SYT13: variants seen among roughly 807,000 people sequenced by gnomAD.
SYT13 encodes the protein synaptotagmin-13.
Under a neutral mutation model 38.6 loss-of-function variants are expected in SYT13, and 21 were observed. That is an observed-to-expected ratio of 0.54 (90% CI 0.39 to 0.78). SYT13 has a LOEUF of 0.78. Among genes scored for constraint, SYT13 ranks in the 30% least tolerant of loss-of-function variants. The pLI, the probability that SYT13 is intolerant of heterozygous loss-of-function variation, is 0.00. For missense variants in SYT13, 495 were observed against 548.7 expected (o/e 0.90, Z 0.98); for synonymous variants, 241 against 237.6 (o/e 1.01, Z -0.13).
At chr11:45,261,381 GGA>G (rs1471542321) in intron 1 of SYT13, among the ~76,000 whole-genome samples, 1 of 151,754 alleles carries the variant, frequency 6.6e-6, no homozygotes, top group African/African-American at 2.4e-5. Context: ...CACTAGGTCA[GGA>G]GATCGAGACC....
rs1341266823 is a variant in SYT13 at position 45,286,019 on chromosome 11, G to A, written c.183+6C>T. ...CGGGAAGGGCCTGCGCGCCGCCCCC[G>A]CTCACCTGTTGTGCAGACCCGAGCA... On this transcript the variant is annotated splice_donor_region_variant and intron_variant, in intron 1 of 5. Coordinates refer to ENST00000020926, the MANE Select transcript of SYT13 (RefSeq NM_020826.3). 1 of 1,604,596 alleles carries A rather than the reference G, an allele frequency of 6.2e-7. No individual in the cohort carries two copies. Among genetic ancestry groups the A allele is most frequent in the Non-Finnish European group, 8.5e-7 (1 of 1,179,016 alleles).
At chr11:45,275,785 G>A (rs1302297295) in intron 1 of SYT13, among the ~76,000 whole-genome samples, 2 of 140,316 alleles carry the variant, frequency 1.4e-5, no homozygotes, top group African/African-American at 4.9e-5. Context: ...TCAATTAGAT[G>A]GGGTTTGCAG....
chr11:45,266,316 G>A (rs988546202), intron 1 of SYT13, among the ~76,000 whole-genome samples: 1 of 152,146 alleles, frequency 6.6e-6, no homozygotes, highest in Non-Finnish European at 1.5e-5. Context: ...AAGCAGTCAG[G>A]AGCAATTGGG....
intron 2 of SYT13, 125 bp downstream of exon 2, chr11:45,255,541 C>T: frequency 1.1e-6 from 1 of 882,484 alleles, no homozygotes; most frequent in Non-Finnish European, 1.7e-6. Flanking sequence ...TGCCCATCTG[C>T]TTGGCCAGCG....
intron 1 of SYT13, among the ~76,000 whole-genome samples, chr11:45,285,315 C>T (rs1855120588): frequency 6.6e-6 from 1 of 152,230 alleles, no homozygotes; most frequent in African/African-American, 2.4e-5. Flanking sequence ...TGAGCAAATG[C>T]ATGGGATAAA....
At chr11:45,258,219 G>T (rs1334665716) in intron 1 of SYT13, among the ~76,000 whole-genome samples, 1 of 152,154 alleles carries the variant, frequency 6.6e-6, no homozygotes, top group Non-Finnish European at 1.5e-5. Context: ...TCTTTCCCCA[G>T]CACAGCAGTC....
At chr11:45,283,328 C>T (rs1855096062) in intron 1 of SYT13, among the ~76,000 whole-genome samples, 1 of 152,172 alleles carries the variant, frequency 6.6e-6, no homozygotes, top group African/African-American at 2.4e-5. Context: ...AGGCCTTGGA[C>T]ACCTCTGTTG....
chr11:45,274,178 G>A (rs114084294), intron 1 of SYT13, among the ~76,000 whole-genome samples: 2,463 of 152,064 alleles, frequency 0.016, 57 homozygotes, highest in African/African-American at 0.053. Flanking sequence ...TTTTTCTTTC[G>A]AGTAGTCTCA....
intron 1 of SYT13, among the ~76,000 whole-genome samples, chr11:45,268,456 T>G (rs1854910889): frequency 6.6e-6 from 1 of 152,130 alleles, no homozygotes; most frequent in African/African-American, 2.4e-5. Flanking sequence ...GAAAAGTCCC[T>G]GAGCTAAAAT....
At position 45,257,380 on chromosome 11, in the gene SYT13, C is replaced by G. The variant is rs72895318; in HGVS notation, c.184-1489G>C. On this transcript the variant is annotated intron_variant, in intron 1 of 5. Transcript: ENST00000020926. ...CCATAAAAAAGCCCTCAGGTTAAGACAGGCGGATCTGAAGACTGAGGTCTA... is the reference window on the plus strand; with the variant it reads ...CCATAAAAAAGCCCTCAGGTTAAGAGAGGCGGATCTGAAGACTGAGGTCTA... Among the ~76,000 whole-genome samples, 942 of 152,254 alleles carry G rather than the reference C, an allele frequency of 6.2e-3. 5 individuals carry two copies. Among genetic ancestry groups the G allele is most frequent in the Non-Finnish European group, 8.3e-3 (563 of 67,998 alleles).
intron 1 of SYT13, among the ~76,000 whole-genome samples, chr11:45,275,187 T>C (rs113579947): frequency 1.3e-5 from 2 of 152,310 alleles, no homozygotes; most frequent in African/African-American, 2.4e-5. Context: ...TCATTCAACA[T>C]GTCTCCTCAC....
rs1276848795 is a variant in SYT13, at chr11:45,240,775, A to T, written c.*3277T>A. The stretch of plus-strand genomic sequence containing the variant: ...AAATCTCTGAAGAAAGAACCAGATC[A>T]CCTTTTTGAGCAACAGTGCATTCTG... On this transcript the variant is annotated 3_prime_UTR_variant, in exon 6 of 6. Transcript: ENST00000020926. 6.6e-6 allele frequency: 1 copy of T among 152,246 alleles called. No homozygotes were observed. The highest frequency in any genetic ancestry group is 1.5e-5 in the Non-Finnish European group (1 of 68,038). The allele number at this position is 152,246 out of a possible 1,614,324, so 9.4% of individuals were successfully genotyped here.
intron 1 of SYT13, among the ~76,000 whole-genome samples, chr11:45,270,851 C>T (rs981541091): frequency 1.3e-5 from 2 of 152,172 alleles, no homozygotes; most frequent in African/African-American, 4.8e-5. Context: ...AATTTCAAAA[C>T]CAAGACAGAG....
At chr11:45,272,217 A>T (rs1262444965) in intron 1 of SYT13, among the ~76,000 whole-genome samples, 1 of 152,178 alleles carries the variant, frequency 6.6e-6, no homozygotes, top group Non-Finnish European at 1.5e-5. Flanking sequence ...TTGGGGAGGG[A>T]TAGCATTAGG....
chr11:45,282,801 C>T (rs544124470), intron 1 of SYT13, among the ~76,000 whole-genome samples: 1 of 152,162 alleles, frequency 6.6e-6, no homozygotes, highest in African/African-American at 2.4e-5. Context: ...AGACCACAAA[C>T]CTTTTAATGC....
intron 4 of SYT13, among the ~76,000 whole-genome samples, chr11:45,250,431 C>T (rs534961289): frequency 6.6e-6 from 1 of 152,214 alleles, no homozygotes; most frequent in African/African-American, 2.4e-5. Context: ...ATGATGGCTG[C>T]TCTTCTAGAG....
rs182307922 is a variant in SYT13, at chr11:45,252,074, T to G, written c.846+347A>C. ...GGAAGGTAGAGTGTCCTGCAGTGTC[T>G]GCCACATCGTAGGAGCACACAGAGT... On this transcript the variant is annotated intron_variant, in intron 4 of 5. Transcript: ENST00000020926. The surrounding 1 kb of genome is among the most constrained non-coding windows in gnomAD (Gnocchi z 4.3). Among the ~76,000 whole-genome samples the G allele has an allele frequency of 4.6e-5, 7 of 152,360 alleles. No individual in the cohort carries two copies. Among genetic ancestry groups the G allele is most frequent in the Admixed American group, 1.3e-4 (2 of 15,302 alleles).
intron 1 of SYT13, among the ~76,000 whole-genome samples, chr11:45,263,721 C>T (rs1397695173): frequency 2.0e-5 from 3 of 152,188 alleles, no homozygotes; most frequent in Admixed American, 6.5e-5. Context: ...TGCACACTAA[C>T]GTGTATATAA....
intron 4 of SYT13, among the ~76,000 whole-genome samples, chr11:45,250,853 A>C (rs1397932469): frequency 6.6e-6 from 1 of 152,142 alleles, no homozygotes; most frequent in East Asian, 1.9e-4. Context: ...GTCACACCTC[A>C]TATTTGTCAG....
Sources: allele counts gnomAD v4.1 joint callset (sites outside exome capture counted in the v4.1 genomes callset), GRCh38; gene constraint gnomAD v4.1.1; non-coding constraint Gnocchi (gnomAD v3.1); transcripts MANE v1.5; gene names NCBI Gene and HGNC (gene_info 2026-07-23, HGNC 2026-07-21).